Variants in MBP observed in about 807,000 individuals in gnomAD.
The protein encoded by MBP is Golli-MBP.
In MBP, 16 loss-of-function variants were observed where a neutral mutation model predicts 35.8. The ratio of observed to expected loss-of-function variants is 0.45; its 90% confidence interval spans 0.30 to 0.68. MBP has a LOEUF of 0.68. Ranked by LOEUF, MBP falls within the 30% of genes least tolerant of loss-of-function variation. The pLI is 0.08. For synonymous variants in MBP, 143 were observed against 159.6 expected, an observed-to-expected ratio of 0.90 and a Z score of 0.78; for missense variants, 380 against 404.7, an observed-to-expected ratio of 0.94 and a Z score of 0.52.
intron 4 of MBP, chr18:77,013,038 A>G (rs112470302): frequency 2.0e-6 from 2 of 985,484 alleles, no homozygotes; most frequent in African/African-American, 3.5e-5. Flanking sequence ...CTGAGACCAC[A>G]GAAGGACACA....
At chr18:77,029,285 C>T (rs1308961876) in intron 3 of MBP, among the ~76,000 whole-genome samples, 1 of 149,798 alleles carries the variant, frequency 6.7e-6, no homozygotes, top group Admixed American at 6.6e-5. Flanking sequence ...GCGGCGCGCG[C>T]CTGCAATCGC....
chr18:77,044,306 AC>A lies in MBP; in HGVS notation c.139+21991del, dbSNP rs1417745883. Among the ~76,000 whole-genome samples the A allele has an allele frequency of 6.6e-6, 1 of 151,582 alleles. No individual in the cohort carries two copies. The highest frequency in any genetic ancestry group is 1.5e-5 in the Non-Finnish European group (1 of 67,876). On this transcript the variant is annotated intron_variant, in intron 3 of 8. Transcript: ENST00000355994. The surrounding 1 kb of genome is among the most constrained non-coding windows in gnomAD (Gnocchi z 4.4). ...ACTGCATGCCTGAGACGGGGTCCAA[AC>A]CCCTCTTCAACTGTCCTCCAAGCTT... is the stretch of plus-strand genomic sequence containing the variant.
At chr18:77,089,954 G>A (rs1975435302) in intron 2 of MBP, among the ~76,000 whole-genome samples, 1 of 152,134 alleles carries the variant, frequency 6.6e-6, no homozygotes, top group Non-Finnish European at 1.5e-5. Flanking sequence ...TGACAGGATA[G>A]TCAGACACTC....
At chr18:77,123,256 A>G (rs1005963574) in intron 1 of MBP, among the ~76,000 whole-genome samples, 1 of 152,250 alleles carries the variant, frequency 6.6e-6, no homozygotes, top group East Asian at 1.9e-4. Context: ...GAAAATGAGT[A>G]TCCATAAACG....
chr18:77,070,967 C>T (rs1187452502), intron 2 of MBP, among the ~76,000 whole-genome samples: 1 of 152,294 alleles, frequency 6.6e-6, no homozygotes, highest in Non-Finnish European at 1.5e-5. Flanking sequence ...CCTGGTACAG[C>T]TATTCATGTA....
At chr18:77,072,692 T>C (rs716458) in intron 2 of MBP, among the ~76,000 whole-genome samples, 39,083 of 152,230 alleles carry the variant, frequency 0.26, 5,317 homozygotes, top group South Asian at 0.41. Flanking sequence ...TCAAAGCCAC[T>C]TCTCAGGGGC....
chr18:77,078,312 G>T (rs912630799), intron 2 of MBP, among the ~76,000 whole-genome samples: 2 of 152,066 alleles, frequency 1.3e-5, no homozygotes, highest in Admixed American at 6.6e-5. Flanking sequence ...ACTTTCAACC[G>T]CCACGTTCCC....
chr18:77,132,176 C>G (rs1013727281), intron 1 of MBP, among the ~76,000 whole-genome samples: 2 of 152,136 alleles, frequency 1.3e-5, no homozygotes, highest in Non-Finnish European at 2.9e-5. Context: ...CCCCACGGCC[C>G]GAGGCCGAGC....
chr18:77,014,568 CAAAT>C (rs1175026462), intron 4 of MBP: 10 of 985,288 alleles, frequency 1.0e-5, no homozygotes, highest in Non-Finnish European at 1.2e-5. Flanking sequence ...AACAGAACAA[CAAAT>C]AAAAATAAAA....
At chr18:77,083,791 G>A (rs1473930589) in intron 2 of MBP, among the ~76,000 whole-genome samples, 3 of 152,196 alleles carry the variant, frequency 2.0e-5, no homozygotes, top group Non-Finnish European at 4.4e-5. Context: ...CGTAATATCT[G>A]AAAGAGCGAA....
rs1417974996 is a variant in MBP, at chr18:76,988,122, C to T, written c.750+373G>A. 6.6e-7 allele frequency: 1 copy of T among 1,521,134 alleles called. No homozygotes were observed. The highest frequency in any genetic ancestry group is 1.4e-5 in the African/African-American group (1 of 72,886). 94.2% of individuals were successfully genotyped at this position (1,521,134 alleles called of 1,614,324 possible). ...GACGGGCCAGCCAGTCCCACTTCCA[C>T]ATGCGGGTTCCTGGGGCTTCTCGCA... On this transcript the variant is annotated intron_variant, in intron 7 of 8. Coordinates refer to ENST00000355994, the MANE Select transcript of MBP (RefSeq NM_001025101.2). This position sits in a 1 kb window ranked among gnomAD's most constrained non-coding sequence, Gnocchi z 5.2.
In MBP at chr18:77,105,208, T is replaced by G. The variant is rs1242047160; in HGVS notation, c.51+3A>C. 1 of 1,612,860 alleles carries G rather than the reference T, an allele frequency of 6.2e-7. No homozygotes were observed. The highest frequency in any genetic ancestry group is 8.5e-7 in the Non-Finnish European group (1 of 1,179,132). Reference sequence around the variant, plus strand: ...ACATGTTTCGGATCAGCTCACGTCTTACCGTACTGGCCTTCTCGGCATTTA... The same window carrying G: ...ACATGTTTCGGATCAGCTCACGTCTGACCGTACTGGCCTTCTCGGCATTTA... On this transcript the variant is annotated splice_donor_region_variant and intron_variant, in intron 2 of 8. Transcript: ENST00000355994.
intron 4 of MBP, chr18:77,014,676 A>C: frequency 3.0e-6 from 3 of 985,408 alleles, no homozygotes; most frequent in Non-Finnish European, 3.6e-6. Flanking sequence ...AGAGAGAGTT[A>C]AGCTTTCATC....
chr18:77,008,921 C>T (rs1028335327), intron 4 of MBP, among the ~76,000 whole-genome samples: 3 of 152,222 alleles, frequency 2.0e-5, no homozygotes, highest in Non-Finnish European at 1.5e-5. Context: ...AATGGTCCCC[C>T]CTTGCCGGCC....
chr18:77,016,192 T>A (rs1451287393), intron 4 of MBP: 1 of 984,728 alleles, frequency 1.0e-6, no homozygotes, highest in Non-Finnish European at 1.2e-6. Context: ...CACATTTGCT[T>A]TTGAATAAAG....
chr18:77,028,707 C>T (rs78548010), intron 3 of MBP, among the ~76,000 whole-genome samples: 1 of 91,166 alleles, frequency 1.1e-5, no homozygotes, highest in African/African-American at 3.1e-5. Context: ...CGGGCAGAGG[C>T]GCCCCTCACC....
chr18:77,070,901 T>C (rs1236580082), intron 2 of MBP, among the ~76,000 whole-genome samples: 1 of 152,208 alleles, frequency 6.6e-6, no homozygotes, highest in Non-Finnish European at 1.5e-5. Context: ...AGGACCCCGC[T>C]CAGGTGCTTG....
chr18:76,995,241 T>C (rs530582392), intron 4 of MBP, among the ~76,000 whole-genome samples: 1 of 152,216 alleles, frequency 6.6e-6, no homozygotes, highest in Non-Finnish European at 1.5e-5. Flanking sequence ...AGACTCAACA[T>C]AGTAAAACTG....
chr18:77,011,318 T>C (rs747136723), intron 4 of MBP, among the ~76,000 whole-genome samples: 56 of 152,186 alleles, frequency 3.7e-4, no homozygotes, highest in Non-Finnish European at 8.8e-5. Flanking sequence ...AAGCAGTGAC[T>C]CCCATCAGCT....
Sources: allele counts gnomAD v4.1 joint callset (sites outside exome capture counted in the v4.1 genomes callset), GRCh38; gene constraint gnomAD v4.1.1; non-coding constraint Gnocchi (gnomAD v3.1); transcripts MANE v1.5; gene names NCBI Gene and HGNC (gene_info 2026-07-23, HGNC 2026-07-21).